Variants in ENAH observed in about 807,000 individuals in gnomAD.
The protein encoded by ENAH is ENAH actin regulator, also known as protein enabled homolog.
In ENAH, 23 loss-of-function variants were observed where a neutral mutation model predicts 78.7. The ratio of observed to expected loss-of-function variants is 0.29; its 90% confidence interval spans 0.21 to 0.41. The LOEUF (loss-of-function observed/expected upper bound fraction) is 0.41. ENAH is among the 10% of genes least tolerant of loss of function. The pLI is 1.00. For synonymous variants in ENAH, 226 were observed against 241.0 expected, an observed-to-expected ratio of 0.94 and a Z score of 0.58; for missense variants, 544 against 691.0, an observed-to-expected ratio of 0.79 and a Z score of 2.39.
At chr1:225,635,925 T>TAA (rs1439715298) in intron 1 of ENAH, among the ~76,000 whole-genome samples, 1 of 152,220 alleles carries the variant, frequency 6.6e-6, no homozygotes, top group Non-Finnish European at 1.5e-5. Flanking sequence ...AATCCTCCTG[T>TAA]TTTGAGTTTC....
At chr1:225,653,347 G>A (rs1228547470), upstream of ENAH, among the ~76,000 whole-genome samples, 1 of 151,716 alleles carries the variant, frequency 6.6e-6, no homozygotes, top group Admixed American at 6.6e-5. The surrounding 1 kb of genome is among the most constrained non-coding windows in gnomAD (Gnocchi z 4.3). Context: ...CGGCGGCGGC[G>A]GAGAGAGGCT....
intron 1 of ENAH, among the ~76,000 whole-genome samples, chr1:225,569,671 T>C (rs1016474016): frequency 6.6e-6 from 1 of 152,012 alleles, no homozygotes. Flanking sequence ...AATGAACATA[T>C]CCAAGTAGCC....
intron 4 of ENAH, among the ~76,000 whole-genome samples, chr1:225,530,272 T>G (rs1333652449): frequency 6.6e-6 from 1 of 152,144 alleles, no homozygotes; most frequent in Non-Finnish European, 1.5e-5. Context: ...TCTTGAACCA[T>G]AAGAAGATTT....
At chr1:225,519,920 A>G (rs2096454366) in intron 4 of ENAH, among the ~76,000 whole-genome samples, 1 of 152,236 alleles carries the variant, frequency 6.6e-6, no homozygotes, top group South Asian at 2.1e-4. Flanking sequence ...TGTAATTGTA[A>G]TATCCTTAAT....
intron 1 of ENAH, among the ~76,000 whole-genome samples, chr1:225,608,220 G>GAAAAAAAAAAAAA (rs60998592): frequency 6.2e-4 from 57 of 91,272 alleles, no homozygotes; most frequent in East Asian, 9.6e-4. Flanking sequence ...ATAAAAAACA[G>GAAAAAAAAAAAAA]AAAAAAAAAA....
intron 8 of ENAH, 47 bp from the exon 9 acceptor site, chr1:225,512,761 T>A: frequency 6.2e-7 from 1 of 1,609,410 alleles, no homozygotes. Flanking sequence ...TCTGATTCAG[T>A]ATAAAAACCA....
intron 3 of ENAH, among the ~76,000 whole-genome samples, chr1:225,543,221 G>A (rs751220150): frequency 7.2e-5 from 11 of 152,144 alleles, no homozygotes; most frequent in Non-Finnish European, 1.6e-4. Context: ...TCTTCAAAGT[G>A]GGACTGATTT....
chr1:225,647,293 T>C (rs1420347266), intron 1 of ENAH, among the ~76,000 whole-genome samples: 1 of 152,132 alleles, frequency 6.6e-6, no homozygotes. Context: ...ATTAAACCAA[T>C]AGAGATGCAT....
chr1:225,636,606 G>C (rs1416822984), intron 1 of ENAH, among the ~76,000 whole-genome samples: 1 of 152,180 alleles, frequency 6.6e-6, no homozygotes, highest in Non-Finnish European at 1.5e-5. Context: ...CACTTTGGAA[G>C]ACTGAGGTGG....
intron 1 of ENAH, among the ~76,000 whole-genome samples, chr1:225,631,575 CAA>C (rs397939130): frequency 2.1e-4 from 15 of 71,432 alleles, no homozygotes; most frequent in African/African-American, 2.5e-4. Context: ...CACCATCTCT[CAA>C]AAAAAAAAAA....
At chr1:225,502,817 G>C (rs1455145159) in intron 11 of ENAH, among the ~76,000 whole-genome samples, 1 of 152,072 alleles carries the variant, frequency 6.6e-6, no homozygotes, top group Non-Finnish European at 1.5e-5. Flanking sequence ...TAAAGTTTAG[G>C]ATGTTATTTC....
At chr1:225,632,846 C>T (rs1163490277) in intron 1 of ENAH, among the ~76,000 whole-genome samples, 1 of 152,136 alleles carries the variant, frequency 6.6e-6, no homozygotes, top group Non-Finnish European at 1.5e-5. Context: ...GAATAAAACA[C>T]TTAGGGTAAG....
In ENAH at chr1:225,554,954, C is replaced by T; in HGVS notation, c.301G>A (p.Ala101Thr). The change falls in exon 3 of 14, where the codon GCA becomes ACA. Residue 101 changes from alanine (A) to threonine (T), a missense_variant. Around this residue, in one of 4 missense-constraint regions of ENAH, gnomAD observed 77 missense variants for 151.8 expected, o/e 0.51. Transcript: ENST00000366843. Reference sequence around the variant, plus strand: ...TCTAAGGCATGCATCATGGCACTTGCGAAGACATTGGCATCCTCTTTGCTG... The same window carrying T: ...TCTAAGGCATGCATCATGGCACTTGTGAAGACATTGGCATCCTCTTTGCTG... ...FGSKEDANVFASAMMHALEVL... is the reference protein window; with the variant it reads ...FGSKEDANVFTSAMMHALEVL... 6.2e-7 allele frequency: 1 copy of T among 1,603,554 alleles called. No individual in the cohort carries two copies. The highest frequency in any genetic ancestry group is 8.5e-7 in the Non-Finnish European group (1 of 1,171,802).
At chr1:225,530,053 C>T (rs995912661) in intron 4 of ENAH, among the ~76,000 whole-genome samples, 1 of 152,182 alleles carries the variant, frequency 6.6e-6, no homozygotes, top group Non-Finnish European at 1.5e-5. Context: ...TGTCAGCCTA[C>T]GTACTCTGAC....
intron 1 of ENAH, among the ~76,000 whole-genome samples, chr1:225,640,887 T>C (rs1660899151): frequency 6.7e-6 from 1 of 150,360 alleles, no homozygotes; most frequent in Non-Finnish European, 1.5e-5. Flanking sequence ...TAAATACAAG[T>C]ACATACTTTT....
rs536502393 is a variant in ENAH at position 225,489,164 on chromosome 1, C to T, written c.*8611G>A. ...AAAGTCTGTTTACTTAGAAACAGCT[C>T]TTGAACTACAAGAGTCAAATGGACC... On this transcript the variant is annotated 3_prime_UTR_variant, in exon 14 of 14. Transcript: ENST00000366843. The T allele has an allele frequency of 6.6e-6, 1 of 152,174 alleles. No homozygotes were observed. Among genetic ancestry groups the T allele is most frequent in the Non-Finnish European group, 1.5e-5 (1 of 68,006 alleles). The allele number at this position is 152,174 out of a possible 1,614,324, so 9.4% of individuals were successfully genotyped here.
intron 2 of ENAH, among the ~76,000 whole-genome samples, chr1:225,564,454 AT>A (rs71170093): frequency 0.014 from 1,675 of 122,372 alleles, 32 homozygotes; most frequent in African/African-American, 0.044. Context: ...ATGCCCGACT[AT>A]TTTTTTTTTT....
At chr1:225,618,679 C>T (rs1353805837) in intron 1 of ENAH, among the ~76,000 whole-genome samples, 1 of 152,200 alleles carries the variant, frequency 6.6e-6, no homozygotes, top group Non-Finnish European at 1.5e-5. Flanking sequence ...GATCACTCTA[C>T]AAAAACTCAA....
chr1:225,627,400 G>C (rs1200145374), intron 1 of ENAH, among the ~76,000 whole-genome samples: 1 of 152,194 alleles, frequency 6.6e-6, no homozygotes, highest in African/African-American at 2.4e-5. Context: ...TAACATTGTG[G>C]AGGAGGGGAA....
Sources: allele counts gnomAD v4.1 joint callset (sites outside exome capture counted in the v4.1 genomes callset), GRCh38; gene constraint gnomAD v4.1.1; regional missense constraint gnomAD v4.1.1; non-coding constraint Gnocchi (gnomAD v3.1); transcripts MANE v1.5; gene names NCBI Gene and HGNC (gene_info 2026-07-23, HGNC 2026-07-21).